IFT80: variants seen among roughly 807,000 people sequenced by gnomAD.
IFT80 encodes intraflagellar transport protein 80 homolog.
Under a neutral mutation model 107.9 loss-of-function variants are expected in IFT80, and 79 were observed. The ratio of observed to expected loss-of-function variants is 0.73; its 90% confidence interval spans 0.61 to 0.88. The LOEUF is 0.88. Ranked by LOEUF, IFT80 falls within the 40% of genes least tolerant of loss-of-function variation. IFT80 has a pLI of 0.00. For missense variants in IFT80, 797 were observed against 914.2 expected (o/e 0.87, Z 1.65); for synonymous variants, 299 against 300.9 (o/e 0.99, Z 0.07).
chr3:160,305,145 TAA>T (rs1374103866), intron 10 of IFT80, among the ~76,000 whole-genome samples: 1 of 152,156 alleles, frequency 6.6e-6, no homozygotes, highest in Non-Finnish European at 1.5e-5. Context: ...CAGTTTAAAA[TAA>T]GTTTTATTAC....
At chr3:160,288,410 A>AT (rs1344500511) in intron 12 of IFT80, among the ~76,000 whole-genome samples, 2 of 152,208 alleles carry the variant, frequency 1.3e-5, no homozygotes, top group Non-Finnish European at 2.9e-5. Flanking sequence ...AGGCAATACC[A>AT]TTCTGGACAT....
chr3:160,297,168 T>C (rs536917441), intron 12 of IFT80, among the ~76,000 whole-genome samples: 2 of 152,258 alleles, frequency 1.3e-5, no homozygotes, highest in East Asian at 3.9e-4. Flanking sequence ...CCTCTGCCCC[T>C]TTCTCTGTTT....
chr3:160,370,375 A>ATTT (rs200660321), intron 5 of IFT80, among the ~76,000 whole-genome samples: 4 of 146,666 alleles, frequency 2.7e-5, no homozygotes, highest in Admixed American at 1.4e-4. Context: ...TAGCCATTTG[A>ATTT]TTTTTTTTTT....
At chr3:160,357,465 G>T in intron 7 of IFT80, 24 bp downstream of exon 7, 2 of 1,191,416 alleles carry the variant, frequency 1.7e-6, no homozygotes, top group Non-Finnish European at 2.5e-6. Flanking sequence ...TTTCAGCCAA[G>T]TGATAAATCT....
chr3:160,282,747 T>C, intron 13 of IFT80, 134 bp from the exon 14 acceptor site: 2 of 648,242 alleles, frequency 3.1e-6, no homozygotes, highest in Non-Finnish European at 5.3e-6. Flanking sequence ...AAAATGTCCC[T>C]GTTAAATAAT....
chr3:160,314,679 A>C (rs1450657464), intron 9 of IFT80, among the ~76,000 whole-genome samples: 1 of 152,200 alleles, frequency 6.6e-6, no homozygotes, highest in Non-Finnish European at 1.5e-5. Context: ...GCGATTGTTT[A>C]GTCTCACTGA....
At chr3:160,368,014 G>A (rs1425595118) in intron 5 of IFT80, among the ~76,000 whole-genome samples, 1 of 151,750 alleles carries the variant, frequency 6.6e-6, no homozygotes, top group Non-Finnish European at 1.5e-5. Context: ...AATTGTCTAG[G>A]ACTCCTAAAT....
At chr3:160,317,903 CAA>C (rs1717932955) in intron 9 of IFT80, among the ~76,000 whole-genome samples, 1 of 151,946 alleles carries the variant, frequency 6.6e-6, no homozygotes, top group Non-Finnish European at 1.5e-5. Context: ...CTGATTCAAA[CAA>C]AGTTTTGTGG....
intron 5 of IFT80, among the ~76,000 whole-genome samples, chr3:160,374,796 T>C (rs1711870322): frequency 6.6e-6 from 1 of 152,226 alleles, no homozygotes; most frequent in African/African-American, 2.4e-5. Flanking sequence ...ATTACTAAAG[T>C]AACAATAAGT....
At chr3:160,265,107 A>C (rs1713200031) in intron 19 of IFT80, among the ~76,000 whole-genome samples, 1 of 152,198 alleles carries the variant, frequency 6.6e-6, no homozygotes, top group Non-Finnish European at 1.5e-5. Flanking sequence ...TGTCACCTCC[A>C]TTTGAATATA....
intron 1 of IFT80, among the ~76,000 whole-genome samples, chr3:160,398,097 T>A (rs1014462881): frequency 3.3e-5 from 5 of 152,204 alleles, no homozygotes; most frequent in African/African-American, 1.2e-4. Context: ...TTTTTTTCAT[T>A]AAGGTTTATT....
Position 160,257,266 on chromosome 3 carries a change from A to G in IFT80, c.*1259T>C, listed in dbSNP as rs1180140956. 6.6e-6 allele frequency: 1 copy of G among 152,174 alleles called. No individual in the cohort carries two copies. Among genetic ancestry groups the G allele is most frequent in the Non-Finnish European group, 1.5e-5 (1 of 68,024 alleles). 9.4% of individuals were successfully genotyped at this position (152,174 alleles called of 1,614,324 possible). On this transcript the variant is annotated 3_prime_UTR_variant, in exon 20 of 20. Coordinates refer to ENST00000326448, the MANE Select transcript of IFT80 (RefSeq NM_020800.3). ...GACATAGTAATTAAAATGGGGGTTA[A>G]GAGAGGTAATCTCTCTATCCCTTTG...
In IFT80 at chr3:160,356,135, C is replaced by T. The variant is rs201365447; in HGVS notation, c.655G>A (p.Gly219Ser). The T allele has an allele frequency of 1.7e-4, 267 of 1,613,562 alleles. No homozygotes were observed. The highest frequency in any genetic ancestry group is 3.1e-4 in the South Asian group (28 of 91,052). Residue 219 changes from glycine to serine, a missense_variant, in exon 8 of 20, where the codon GGC (glycine) becomes AGC (serine). Gly to Ser is a moderately conservative substitution (Grantham distance 56). Coordinates refer to ENST00000326448, the MANE Select transcript of IFT80 (RefSeq NM_020800.3). ...DCKYKVWDSY[G>S]RPLYNSQPHE... ...GGTTGTGAATTGTACAGTGGGCGGC[C>T]GTAACTATCCCATACCTACAAAAGC... is the stretch of plus-strand genomic sequence containing the variant.
chr3:160,333,511 TG>T (rs1188916748), intron 8 of IFT80, among the ~76,000 whole-genome samples: 1 of 152,212 alleles, frequency 6.6e-6, no homozygotes, highest in Non-Finnish European at 1.5e-5. Flanking sequence ...TTATTCTTTA[TG>T]TTTTTTTCTA....
At chr3:160,279,170 T>C (rs777732974) in intron 16 of IFT80, 23 bp downstream of exon 16, 13 of 1,594,480 alleles carry the variant, frequency 8.2e-6, no homozygotes, top group South Asian at 2.2e-5. Context: ...TATATACAAC[T>C]ATGAATCTAA....
At chr3:160,352,816 A>G (rs1720809326) in intron 8 of IFT80, among the ~76,000 whole-genome samples, 1 of 152,198 alleles carries the variant, frequency 6.6e-6, no homozygotes, top group African/African-American at 2.4e-5. Context: ...CTTTCTACTT[A>G]TACAGCAAGG....
At chr3:160,377,078 G>T (rs929203684) in intron 4 of IFT80, among the ~76,000 whole-genome samples, 2 of 152,174 alleles carry the variant, frequency 1.3e-5, no homozygotes, top group African/African-American at 4.8e-5. Context: ...AATGTAATAG[G>T]TTGAATCATT....
chr3:160,284,451 G>A (rs2108238136), intron 13 of IFT80, among the ~76,000 whole-genome samples: 1 of 152,278 alleles, frequency 6.6e-6, no homozygotes, highest in Non-Finnish European at 1.5e-5. Flanking sequence ...ATAACGGAGA[G>A]GTTATAGGGA....
intron 8 of IFT80, among the ~76,000 whole-genome samples, chr3:160,327,940 C>T (rs1378166719): frequency 2.0e-5 from 3 of 152,170 alleles, no homozygotes; most frequent in Non-Finnish European, 4.4e-5. Context: ...AACTATGCAT[C>T]TGACAAAGGT....
Sources: gnomAD v4.1 joint callset for allele counts (sites outside exome capture counted in the v4.1 genomes callset) on GRCh38, gnomAD v4.1.1 for gene constraint, MANE v1.5 for transcripts, NCBI Gene and HGNC (gene_info 2026-07-23, HGNC 2026-07-21) for gene names.